SIRPB1: variants seen among roughly 807,000 people sequenced by gnomAD.
SIRPB1 encodes the protein signal regulatory protein beta 1.
Under a neutral mutation model 34.1 loss-of-function variants are expected in SIRPB1, and 28 were observed. The ratio of observed to expected loss-of-function variants is 0.82; its 90% CI spans 0.61 to 1.12. The LOEUF (loss-of-function observed/expected upper bound fraction) is 1.12. Among genes scored for constraint, SIRPB1 ranks in the 50% most tolerant of loss-of-function variants. SIRPB1 has a pLI of 0.00. For missense variants in SIRPB1, 499 were observed against 507.0 expected, an observed-to-expected ratio of 0.98 and a Z score of 0.15; for synonymous variants, 211 against 203.8, an observed-to-expected ratio of 1.04 and a Z score of -0.30.
intron 1 of SIRPB1, among the ~76,000 whole-genome samples, chr20:1,618,757 G>C (rs369079400): frequency 2.6e-5 from 4 of 152,296 alleles, no homozygotes. Context: ...TCTGGGAGCT[G>C]TGAGCAGGGT....
At chr20:1,615,022 C>T (rs2091610300) in intron 1 of SIRPB1, among the ~76,000 whole-genome samples, 1 of 152,118 alleles carries the variant, frequency 6.6e-6, no homozygotes, top group African/African-American at 2.4e-5. Flanking sequence ...TTGGTAACAC[C>T]TCTTCAAAGA....
chr20:1,619,693 G>A (rs530918993), intron 1 of SIRPB1, among the ~76,000 whole-genome samples, 176 bp downstream of exon 1: 14 of 152,318 alleles, frequency 9.2e-5, no homozygotes, highest in African/African-American at 3.1e-4. Context: ...GCCTCTGGTA[G>A]CCAGCTGCAG....
At chr20:1,604,688 G>T in intron 1 of SIRPB1, 1 of 568,382 alleles carries the variant, frequency 1.8e-6, no homozygotes, top group Admixed American at 3.1e-5. Context: ...GGAGGGTGGT[G>T]GGGGGTGGGC....
At chr20:1,576,312 A>G (rs1375808341) in intron 2 of SIRPB1, among the ~76,000 whole-genome samples, 1 of 147,888 alleles carries the variant, frequency 6.8e-6, no homozygotes, top group Non-Finnish European at 1.5e-5. Context: ...GTACATTTTC[A>G]TGTACATACA....
chr20:1,562,738 A>G lies in SIRPB1; in HGVS notation c.*2762T>C, dbSNP rs1475314453. 6.6e-6 allele frequency among the ~76,000 whole-genome samples: 1 copy of G among 152,196 alleles called. No homozygotes were observed. Among genetic ancestry groups the G allele is most frequent in the African/African-American group, 2.4e-5 (1 of 41,444 alleles). Reference sequence around the variant, plus strand: ...CAAAGTCTGTTGGTGATTGGTCCCTATGGCTCTCCTACTCAAACAGCAAAT... The same window carrying G: ...CAAAGTCTGTTGGTGATTGGTCCCTGTGGCTCTCCTACTCAAACAGCAAAT... On this transcript the variant is annotated 3_prime_UTR_variant, in exon 6 of 6. Transcript: ENST00000381605.
intron 1 of SIRPB1, among the ~76,000 whole-genome samples, chr20:1,615,955 A>G (rs1034639137): frequency 6.6e-6 from 1 of 152,198 alleles, no homozygotes; most frequent in African/African-American, 2.4e-5. Flanking sequence ...GAAATCAGTA[A>G]GGTAATCGCA....
rs1329948197 is a variant in SIRPB1, at chr20:1,611,019, A to G, written c.76+8850T>C. Among the ~76,000 whole-genome samples, 4 of 72,746 alleles carry G rather than the reference A, an allele frequency of 5.5e-5. 2 individuals carry two copies. Among genetic ancestry groups the G allele is most frequent in the Non-Finnish European group, 1.0e-4 (4 of 38,680 alleles). The allele number at this position is 72,746 out of a possible 152,430, so 47.7% of individuals were successfully genotyped here. On this transcript the variant is annotated intron_variant, in intron 1 of 5. Coordinates refer to ENST00000381605, the MANE Select transcript of SIRPB1 (RefSeq NM_006065.5). ...GGGGGAAGCGTTCTCTGGAGGCAGAAGGCAAGGTCCAGCCCTGTGCCTGGG... is the reference window on the plus strand; with the variant it reads ...GGGGGAAGCGTTCTCTGGAGGCAGAGGGCAAGGTCCAGCCCTGTGCCTGGG...
rs1568700241 is a variant in SIRPB1, at chr20:1,604,470, T to C, written c.76+15399A>G. Among the ~76,000 whole-genome samples, 2 of 48,008 alleles carry C rather than the reference T, an allele frequency of 4.2e-5. 1 individual carries two copies. Among genetic ancestry groups the C allele is most frequent in the Non-Finnish European group, 7.9e-5 (2 of 25,430 alleles). The allele number at this position is 48,008 out of a possible 152,430, so 31.5% of individuals were successfully genotyped here. ...AAGCACATAGAGGCTTAGCTCATAG[T>C]AGGTACTCATTAACTGTGTTTGCTA... On this transcript the variant is annotated intron_variant, in intron 1 of 5. Transcript: ENST00000381605.
chr20:1,566,510 G>A (rs2091138149), intron 4 of SIRPB1, among the ~76,000 whole-genome samples: 1 of 152,234 alleles, frequency 6.6e-6, no homozygotes, highest in Non-Finnish European at 1.5e-5. Flanking sequence ...GGTGGAGAGA[G>A]TGTGTGCTCA....
At chr20:1,572,993 A>G (rs1036411274) in intron 2 of SIRPB1, among the ~76,000 whole-genome samples, 2 of 147,904 alleles carry the variant, frequency 1.4e-5, no homozygotes, top group African/African-American at 2.5e-5. Context: ...TCCAAAAACA[A>G]CCTTTTGTGA....
At chr20:1,612,502 G>T (rs1247436411) in intron 1 of SIRPB1, among the ~76,000 whole-genome samples, 1 of 71,706 alleles carries the variant, frequency 1.4e-5, no homozygotes, top group Non-Finnish European at 2.6e-5. Flanking sequence ...TATAATTTGT[G>T]GGCTGTGCAT....
intron 1 of SIRPB1, among the ~76,000 whole-genome samples, chr20:1,618,999 G>A (rs371745275): frequency 2.0e-5 from 3 of 152,164 alleles, no homozygotes; most frequent in African/African-American, 4.8e-5. Context: ...TCATTGGGGT[G>A]GGCCTTAATA....
In SIRPB1 at chr20:1,570,691, A is replaced by G; in HGVS notation, c.1084+114T>C. The G allele has an allele frequency of 3.3e-6, 3 of 901,768 alleles. No homozygotes were observed. In the South Asian group the frequency reaches 5.0e-5, roughly 15 times the overall value. The allele number at this position is 901,768 out of a possible 1,614,324, so 55.9% of individuals were successfully genotyped here. Reference sequence around the variant, plus strand: ...CATGGAGTGTAGGATTTTAATGTAGACGTTAAAATTCTACTTTATATTTAT... The same window carrying G: ...CATGGAGTGTAGGATTTTAATGTAGGCGTTAAAATTCTACTTTATATTTAT... On this transcript the variant is annotated intron_variant, in intron 4 of 5. Transcript: ENST00000381605.
At chr20:1,580,260 G>A (rs1217923732) in intron 1 of SIRPB1, among the ~76,000 whole-genome samples, 1 of 147,394 alleles carries the variant, frequency 6.8e-6, no homozygotes, top group East Asian at 1.9e-4. Flanking sequence ...CTAACCTCTT[G>A]CATCTTCACC....
rs1484830129 is a variant in SIRPB1, at chr20:1,575,698, AC to A, written c.433+2639del. ...AGGAACCGGCTTGGCATATCATGAGACATGCGCAGGGCCTTTCTGATGGGAG... is the reference window on the plus strand; with the variant it reads ...AGGAACCGGCTTGGCATATCATGAGAATGCGCAGGGCCTTTCTGATGGGAG... On this transcript the variant is annotated intron_variant, in intron 2 of 5. Coordinates refer to ENST00000381605, the MANE Select transcript of SIRPB1 (RefSeq NM_006065.5). Among the ~76,000 whole-genome samples, 14 of 44,000 alleles carry A rather than the reference AC, an allele frequency of 3.2e-4. 6 individuals are homozygous for A. The highest frequency in any genetic ancestry group is 5.0e-4 in the Non-Finnish European group (12 of 23,822). 28.9% of individuals were successfully genotyped at this position (44,000 alleles called of 152,430 possible). A position where few individuals can be genotyped will look rare whatever the true frequency, so the allele number is the denominator to read the frequency against.
intron 4 of SIRPB1, 71 bp from the exon 5 acceptor site, chr20:1,566,338 C>A (rs576438918): frequency 1.0e-5 from 9 of 901,020 alleles, no homozygotes; most frequent in African/African-American, 1.7e-5. Context: ...CCTCCACTTA[C>A]CCCATCTGAG....
chr20:1,571,760 G>A lies in SIRPB1; in HGVS notation c.711C>T (p.Asp237=). ...CEIAHITLQG[D]PLRGTANLSE... ...ACAAGTTGGCAGTCCCACGAAGAGG[G>A]TCCCCCTGCAAGGTGATGTGGGCTA... The change falls in exon 3 of 6, where the codon GAC becomes GAT. Residue 237 remains aspartate (D), a synonymous_variant. Transcript: ENST00000381605. 4 of 1,614,236 alleles carry A rather than the reference G, an allele frequency of 2.5e-6. No individual in the cohort carries two copies. Among genetic ancestry groups the A allele is most frequent in the Non-Finnish European group, 3.4e-6 (4 of 1,180,044 alleles).
intron 2 of SIRPB1, among the ~76,000 whole-genome samples, chr20:1,572,503 A>G (rs1165985665): frequency 6.7e-6 from 1 of 150,326 alleles, no homozygotes; most frequent in African/African-American, 2.4e-5. Flanking sequence ...GTGGGCTGAC[A>G]ACCCCAGCTC....
intron 1 of SIRPB1, among the ~76,000 whole-genome samples, chr20:1,580,114 T>A (rs1467778551): frequency 6.7e-6 from 1 of 148,400 alleles, no homozygotes; most frequent in Admixed American, 6.7e-5. Flanking sequence ...AAGCACCATG[T>A]TTTACACCTT....
Sources: gnomAD v4.1 joint callset for allele counts (sites outside exome capture counted in the v4.1 genomes callset) on GRCh38, gnomAD v4.1.1 for gene constraint, MANE v1.5 for transcripts, NCBI Gene and HGNC (gene_info 2026-07-23, HGNC 2026-07-21) for gene names.